Variants in COP1 observed in about 807,000 individuals in gnomAD.
The protein encoded by COP1 is E3 ubiquitin-protein ligase COP1.
A neutral mutation model predicts 101.3 loss-of-function variants in COP1; 24 were observed. The ratio of observed to expected loss-of-function variants is 0.24; its 90% CI spans 0.17 to 0.33. The LOEUF (loss-of-function observed/expected upper bound fraction) is 0.33, where lower values mean the gene tolerates loss of function less well. Ranked by LOEUF, COP1 falls within the 10% of genes least tolerant of loss-of-function variation. COP1 has a pLI of 1.00. For synonymous variants in COP1, 347 were observed against 341.9 expected (o/e 1.01, Z -0.17); for missense variants, 663 against 906.2 (o/e 0.73, Z 3.45).
chr1:176,087,752 G>A (rs150695235), intron 9 of COP1, among the ~76,000 whole-genome samples: 1,534 of 152,166 alleles, frequency 0.01, 16 homozygotes, highest in Non-Finnish European at 0.017. Context: ...ACCCCATTAC[G>A]GGTTATATAC....
chr1:175,980,872 G>C (rs890134633), intron 18 of COP1, among the ~76,000 whole-genome samples: 2 of 152,162 alleles, frequency 1.3e-5, no homozygotes, highest in Non-Finnish European at 2.9e-5. Flanking sequence ...AGCCTCAAAA[G>C]AAGTTACTAT....
intron 3 of COP1, among the ~76,000 whole-genome samples, chr1:176,167,339 T>A (rs1039132223): frequency 2.0e-5 from 3 of 152,212 alleles, no homozygotes; most frequent in Non-Finnish European, 4.4e-5. Context: ...GATTAAAGCA[T>A]TTAATGATCA....
chr1:176,206,686 C>A lies in COP1; in HGVS notation c.293G>T (p.Gly98Val). ...TAGGCTGGAGCTGCTGCCTCCTACG[C>A]CGGCGCTGGGCCTGGCCGCGCAGCT... is the stretch of plus-strand genomic sequence containing the variant. Reference protein sequence around the residue: ...RHSCAARPSAGVGGSSSSLGS... With the variant: ...RHSCAARPSAVVGGSSSSLGS... Residue 98 changes from glycine to valine, a missense_variant, in exon 1 of 20, where the codon GGC (glycine) becomes GTC (valine). Coordinates refer to ENST00000367669, the MANE Select transcript of COP1 (RefSeq NM_022457.7). The A allele has an allele frequency of 6.2e-7, 1 of 1,607,532 alleles. No homozygotes were observed. Among genetic ancestry groups the A allele is most frequent in the East Asian group, 2.2e-5 (1 of 44,838 alleles).
Position 176,061,366 on chromosome 1 carries a change from G to A in COP1, c.1278-15042C>T, listed in dbSNP as rs566423356. On this transcript the variant is annotated intron_variant, in intron 11 of 19. Coordinates refer to ENST00000367669, the MANE Select transcript of COP1 (RefSeq NM_022457.7). ...ACCTCGGCTAGGCATGGTGGCTCAC[G>A]CCTGTAATCCCAGCACTTGGGAGGC... Among the ~76,000 whole-genome samples the A allele has an allele frequency of 1.7e-3, 252 of 152,330 alleles. 1 individual carries two copies. Among genetic ancestry groups the A allele is most frequent in the African/African-American group, 5.9e-3 (244 of 41,574 alleles).
At chr1:176,057,761 T>G (rs1673870894) in intron 11 of COP1, among the ~76,000 whole-genome samples, 1 of 152,062 alleles carries the variant, frequency 6.6e-6, no homozygotes, top group South Asian at 2.1e-4. Context: ...TGCCACCCCA[T>G]CTGGGAAGTG....
intron 10 of COP1, among the ~76,000 whole-genome samples, 180 bp downstream of exon 10, chr1:176,085,596 T>C (rs560902421): frequency 6.6e-6 from 1 of 152,316 alleles, no homozygotes; most frequent in South Asian, 2.1e-4. Context: ...GAACAAAAAA[T>C]AGTCATTGGA....
At chr1:176,206,543 G>C in intron 1 of COP1, 29 bp downstream of exon 1, 1 of 1,595,748 alleles carries the variant, frequency 6.3e-7, no homozygotes, top group Non-Finnish European at 8.5e-7. Flanking sequence ...ATAATTTAGG[G>C]ACAAGGAGGG....
chr1:176,199,573 T>A (rs976109298), intron 1 of COP1, among the ~76,000 whole-genome samples: 1 of 152,122 alleles, frequency 6.6e-6, no homozygotes, highest in African/African-American at 2.4e-5. Context: ...TATATCCATA[T>A]AATGGGATAA....
chr1:175,971,571 C>A (rs568412108), intron 18 of COP1, among the ~76,000 whole-genome samples: 1 of 151,372 alleles, frequency 6.6e-6, no homozygotes. Flanking sequence ...CAAGAGTCAC[C>A]AGCACAGACC....
chr1:176,003,805 T>C (rs1308481640), intron 15 of COP1, among the ~76,000 whole-genome samples: 3 of 151,428 alleles, frequency 2.0e-5, no homozygotes, highest in African/African-American at 7.3e-5. Context: ...GCTTTGTTCT[T>C]TTGGCTTAGG....
chr1:176,082,450 T>C (rs1261681620), intron 10 of COP1, among the ~76,000 whole-genome samples: 1 of 152,184 alleles, frequency 6.6e-6, no homozygotes, highest in South Asian at 2.1e-4. Context: ...CTGGAGATAT[T>C]AGGTTATCTT....
At chr1:176,088,325 A>T (rs1318139834) in intron 9 of COP1, among the ~76,000 whole-genome samples, 1 of 152,200 alleles carries the variant, frequency 6.6e-6, no homozygotes, top group Non-Finnish European at 1.5e-5. Context: ...TGACAGTCAT[A>T]CACAAAAGGT....
At chr1:176,123,535 T>C (rs1188377402) in intron 8 of COP1, among the ~76,000 whole-genome samples, 1 of 152,150 alleles carries the variant, frequency 6.6e-6, no homozygotes. Context: ...CATAAGGCTC[T>C]AATCACAGCA....
At chr1:176,056,655 T>G (rs1673550550) in intron 11 of COP1, among the ~76,000 whole-genome samples, 1 of 152,202 alleles carries the variant, frequency 6.6e-6, no homozygotes, top group Admixed American at 6.5e-5. Context: ...TAATCTACTA[T>G]AAAAATATTT....
rs909003221 is a variant in COP1 at position 176,206,661 on chromosome 1, T to C, written c.318A>G (p.Leu106=). Residue 106 remains leucine, a synonymous_variant, in exon 1 of 20, where the codon CTA becomes CTG. Coordinates refer to ENST00000367669, the MANE Select transcript of COP1 (RefSeq NM_022457.7). ...SAGVGGSSSS[L]GSGSRKRPLL... is the part of the protein sequence containing the mutation. ...GAGGTCGCTTCCTGCTGCCGCTGCC[T>C]AGGCTGGAGCTGCTGCCTCCTACGC... 6.2e-7 allele frequency: 1 copy of C among 1,611,168 alleles called. No individual in the cohort carries two copies. Among genetic ancestry groups the C allele is most frequent in the South Asian group, 1.1e-5 (1 of 91,082 alleles).
intron 19 of COP1, among the ~76,000 whole-genome samples, chr1:175,946,064 G>A (rs1649129043): frequency 6.6e-6 from 1 of 152,184 alleles, no homozygotes; most frequent in South Asian, 2.1e-4. Context: ...AGAGTAAGGT[G>A]TAGCTTTTCA....
chr1:176,095,247 T>C (rs1309327044), intron 9 of COP1, among the ~76,000 whole-genome samples: 1 of 152,246 alleles, frequency 6.6e-6, no homozygotes, highest in Non-Finnish European at 1.5e-5. Flanking sequence ...ATTTAATGAC[T>C]AGCTTTAAAG....
chr1:176,115,634 G>T (rs1189117638), intron 9 of COP1, among the ~76,000 whole-genome samples: 2 of 150,122 alleles, frequency 1.3e-5, no homozygotes, highest in East Asian at 2.0e-4. Flanking sequence ...CTGTAGTCCC[G>T]ACTACTTGGG....
chr1:176,045,532 C>T (rs1354620821), intron 12 of COP1, among the ~76,000 whole-genome samples: 1 of 142,956 alleles, frequency 7.0e-6, no homozygotes, highest in African/African-American at 2.6e-5. Context: ...ATATAATTCT[C>T]TTTTAAAGCC....
Sources: gnomAD v4.1 joint callset for allele counts (sites outside exome capture counted in the v4.1 genomes callset) on GRCh38, gnomAD v4.1.1 for gene constraint, MANE v1.5 for transcripts, NCBI Gene and HGNC (gene_info 2026-07-23, HGNC 2026-07-21) for gene names.